ABTB2: variants seen among roughly 807,000 people sequenced by gnomAD.
ABTB2 encodes the protein ankyrin repeat and BTB/POZ domain-containing protein 2.
In ABTB2, 56 loss-of-function variants were observed where a neutral mutation model predicts 104.1. The observed-to-expected ratio is 0.54, with a 90% CI of 0.43 to 0.67. The LOEUF (loss-of-function observed/expected upper bound fraction) is 0.67. Among genes scored for constraint, ABTB2 ranks in the 30% least tolerant of loss-of-function variants. The pLI is 0.00. For synonymous variants in ABTB2, 606 were observed against 608.2 expected (o/e 1.00, Z 0.05); for missense variants, 1,279 against 1,407.7 (o/e 0.91, Z 1.46).
At chr11:34,353,221 C>T (rs750181677) in intron 1 of ABTB2, among the ~76,000 whole-genome samples, 21 of 152,144 alleles carry the variant, frequency 1.4e-4, no homozygotes, top group Non-Finnish European at 2.9e-4. Flanking sequence ...CACCAATATC[C>T]TATCACTTAA....
intron 3 of ABTB2, among the ~76,000 whole-genome samples, chr11:34,183,469 G>T (rs1853053762): frequency 6.6e-6 from 1 of 152,172 alleles, no homozygotes; most frequent in East Asian, 1.9e-4. Flanking sequence ...ACTAGAACTG[G>T]GCTGGGCACA....
At chr11:34,334,597 G>A (rs1171259441) in intron 1 of ABTB2, among the ~76,000 whole-genome samples, 1 of 152,064 alleles carries the variant, frequency 6.6e-6, no homozygotes, top group Non-Finnish European at 1.5e-5. Context: ...CTAGAGCCTT[G>A]GCAACCATCT....
intron 1 of ABTB2, among the ~76,000 whole-genome samples, chr11:34,326,165 T>G (rs910551216): frequency 6.6e-6 from 1 of 152,054 alleles, no homozygotes; most frequent in Non-Finnish European, 1.5e-5. Flanking sequence ...GGTAAAGGGA[T>G]AGTGGTGAGC....
intron 1 of ABTB2, among the ~76,000 whole-genome samples, chr11:34,320,696 C>T (rs1008848714): frequency 7.2e-5 from 11 of 152,144 alleles, no homozygotes; most frequent in African/African-American, 2.4e-4. Flanking sequence ...ATTAGACGTC[C>T]GTGGAACTCT....
chr11:34,164,552 A>G, intron 9 of ABTB2, 134 bp downstream of exon 9: 1 of 1,099,124 alleles, frequency 9.1e-7, no homozygotes, highest in Non-Finnish European at 1.2e-6. Context: ...TTTCTGGTTT[A>G]CTAGCACACA....
At chr11:34,157,331 T>C (rs1852642621) in intron 14 of ABTB2, among the ~76,000 whole-genome samples, 1 of 152,214 alleles carries the variant, frequency 6.6e-6, no homozygotes, top group African/African-American at 2.4e-5. Flanking sequence ...ATGTGTGTGC[T>C]GTGGACCTGA....
chr11:34,302,931 T>C (rs997278885), intron 1 of ABTB2, among the ~76,000 whole-genome samples: 3 of 152,186 alleles, frequency 2.0e-5, no homozygotes, highest in Non-Finnish European at 4.4e-5. Flanking sequence ...GGTGCTTCAC[T>C]GGGAGGGCAG....
At chr11:34,267,350 T>C (rs1040420095) in intron 1 of ABTB2, among the ~76,000 whole-genome samples, 1 of 152,154 alleles carries the variant, frequency 6.6e-6, no homozygotes, top group Non-Finnish European at 1.5e-5. Flanking sequence ...GCTGACTTTC[T>C]GAAGGTCCCT....
rs1463890845 is a variant in ABTB2, at chr11:34,356,975, G to T, written c.609C>A (p.Leu203=). 1.9e-6 allele frequency: 3 copies of T among 1,594,026 alleles called. No individual in the cohort carries two copies. Among genetic ancestry groups the T allele is most frequent in the Non-Finnish European group, 2.6e-6 (3 of 1,171,662 alleles). Residue 203 remains leucine (L), a synonymous_variant, in exon 1 of 17, where the codon CTC becomes CTA. Coordinates refer to ENST00000435224, the MANE Select transcript of ABTB2 (RefSeq NM_145804.3). The surrounding 1 kb of genome is among the most constrained non-coding windows in gnomAD (Gnocchi z 4.6). ...LRRGKSARCG[L]TFSVGRFFRW... The stretch of plus-strand genomic sequence containing the variant: ...GGAAAAAGCGACCCACTGAGAAGGT[G>T]AGGCCGCAGCGCGCGGACTTGCCCC...
intron 7 of ABTB2, 79 bp from the exon 8 acceptor site, chr11:34,165,435 C>G (rs1292333259): frequency 8.1e-7 from 1 of 1,238,858 alleles, no homozygotes; most frequent in Non-Finnish European, 1.1e-6. Flanking sequence ...CTTTCGGGGA[C>G]AGGGCCTTTG....
In ABTB2 at chr11:34,152,411, A is replaced by G. The variant is rs749551117; in HGVS notation, c.3054T>C (p.Ser1018=). 1 of 1,579,658 alleles carries G rather than the reference A, an allele frequency of 6.3e-7. No homozygotes were observed. Among genetic ancestry groups the G allele is most frequent in the South Asian group, 1.2e-5 (1 of 86,328 alleles). Reference sequence around the variant, plus strand: ...CTCACACCCGGGAGGTGATGTAGACAGAGTGCACGCGCTCTGCCAGGGTGT... The same window carrying G: ...CTCACACCCGGGAGGTGATGTAGACGGAGTGCACGCGCTCTGCCAGGGTGT... ...LQNTLAERVH[S]VYITSRV The change falls in exon 17 of 17, where the codon TCT becomes TCC. Residue 1018 remains serine (S), a synonymous_variant. Transcript: ENST00000435224.
intron 1 of ABTB2, among the ~76,000 whole-genome samples, chr11:34,238,329 C>T (rs1210171282): frequency 1.3e-5 from 2 of 152,218 alleles, no homozygotes; most frequent in Non-Finnish European, 2.9e-5. Flanking sequence ...TAGTCAGATT[C>T]TCTGCAATAA....
chr11:34,275,450 C>G (rs1012399657), intron 1 of ABTB2, among the ~76,000 whole-genome samples: 2 of 152,144 alleles, frequency 1.3e-5, no homozygotes, highest in African/African-American at 4.8e-5. Flanking sequence ...GGGACCATGG[C>G]ATGTCACATG....
At chr11:34,257,158 T>C (rs1391315080) in intron 1 of ABTB2, among the ~76,000 whole-genome samples, 1 of 152,246 alleles carries the variant, frequency 6.6e-6, no homozygotes, top group Non-Finnish European at 1.5e-5. Context: ...GAAGTGGGCT[T>C]GTTATGAAGA....
intron 1 of ABTB2, among the ~76,000 whole-genome samples, chr11:34,310,934 G>A (rs185348312): frequency 2.8e-4 from 43 of 152,286 alleles, no homozygotes; most frequent in African/African-American, 9.6e-4. Context: ...CAATTTCCCC[G>A]GTGGTCCCTC....
At chr11:34,315,198 C>T (rs1854911254) in intron 1 of ABTB2, among the ~76,000 whole-genome samples, 1 of 152,230 alleles carries the variant, frequency 6.6e-6, no homozygotes, top group African/African-American at 2.4e-5. Flanking sequence ...CATTTGGAAA[C>T]TAACTGGGAC....
intron 1 of ABTB2, among the ~76,000 whole-genome samples, chr11:34,339,445 G>T (rs571490183): frequency 1.3e-5 from 2 of 152,294 alleles, no homozygotes; most frequent in South Asian, 2.1e-4. Context: ...CAACTATTTG[G>T]CAAGAAGAGT....
chr11:34,287,198 A>G (rs1762274326), intron 1 of ABTB2, among the ~76,000 whole-genome samples: 1 of 151,864 alleles, frequency 6.6e-6, no homozygotes, highest in Non-Finnish European at 1.5e-5. Flanking sequence ...AAAAAAAAAA[A>G]AAAGACTCAT....
At chr11:34,260,908 G>A (rs1250116490) in intron 1 of ABTB2, among the ~76,000 whole-genome samples, 1 of 151,820 alleles carries the variant, frequency 6.6e-6, no homozygotes, top group Non-Finnish European at 1.5e-5. Context: ...GGCTGGGTGT[G>A]GTGGCTCACC....
Sources: allele counts gnomAD v4.1 joint callset (sites outside exome capture counted in the v4.1 genomes callset), GRCh38; gene constraint gnomAD v4.1.1; non-coding constraint Gnocchi (gnomAD v3.1); transcripts MANE v1.5; gene names NCBI Gene and HGNC (gene_info 2026-07-23, HGNC 2026-07-21).